ARID4B: variants seen among roughly 807,000 people sequenced by gnomAD.
The protein encoded by ARID4B is AT-rich interaction domain 4B.
In ARID4B, 26 loss-of-function variants were observed where a neutral mutation model predicts 147.5. The ratio of observed to expected loss-of-function variants is 0.18; its 90% confidence interval spans 0.13 to 0.24. ARID4B has a LOEUF of 0.24. Among genes scored for constraint, ARID4B ranks in the 10% least tolerant of loss-of-function variants. ARID4B has a pLI of 1.00. For missense variants in ARID4B, 1,179 were observed against 1,511.5 expected, an observed-to-expected ratio of 0.78 and a Z score of 3.65; for synonymous variants, 512 against 507.9, an observed-to-expected ratio of 1.01 and a Z score of -0.11.
At chr1:235,201,002 G>A (rs899824096) in intron 17 of ARID4B, among the ~76,000 whole-genome samples, 1 of 151,990 alleles carries the variant, frequency 6.6e-6, no homozygotes, top group African/African-American at 2.4e-5. Flanking sequence ...AAAATTAGCT[G>A]GCTGTGGCGG....
intron 5 of ARID4B, among the ~76,000 whole-genome samples, 158 bp downstream of exon 5, chr1:235,255,502 T>C (rs1669927714): frequency 1.3e-5 from 2 of 152,086 alleles, no homozygotes; most frequent in South Asian, 4.1e-4. Flanking sequence ...ACATATACTT[T>C]GGAAATAAAT....
intron 2 of ARID4B, among the ~76,000 whole-genome samples, chr1:235,310,917 C>T (rs935932284): frequency 2.3e-4 from 35 of 152,104 alleles, no homozygotes; most frequent in African/African-American, 7.5e-4. Flanking sequence ...GTAATCCACC[C>T]ATATCAGCCT....
intron 17 of ARID4B, among the ~76,000 whole-genome samples, chr1:235,213,289 T>C (rs760382800): frequency 2.8e-4 from 42 of 152,206 alleles, no homozygotes; most frequent in Non-Finnish European, 5.3e-4. Flanking sequence ...GACTTCTGAA[T>C]AAGGCTGTAA....
chr1:235,178,500 T>A (rs192242484), intron 20 of ARID4B, among the ~76,000 whole-genome samples: 33 of 152,272 alleles, frequency 2.2e-4, no homozygotes, highest in Middle Eastern at 3.4e-3. Flanking sequence ...CGTCTCATCT[T>A]CTTGGTGGGA....
intron 4 of ARID4B, among the ~76,000 whole-genome samples, chr1:235,256,357 C>A (rs1669992716): frequency 6.6e-6 from 1 of 152,096 alleles, no homozygotes; most frequent in South Asian, 2.1e-4. Context: ...GTGAGTACCA[C>A]CATCTGTGAA....
chr1:235,257,150 C>A lies in ARID4B; in HGVS notation c.183+10G>T. On this transcript the variant is annotated intron_variant, in intron 4 of 23. Coordinates refer to ENST00000264183, the MANE Select transcript of ARID4B (RefSeq NM_016374.6). ...CAACCATTAGAATTAACAATGAATA[C>A]ATGAATTACCTTTAGTGGGCCCTTT... 6.3e-7 allele frequency: 1 copy of A among 1,589,540 alleles called. No individual in the cohort carries two copies. Among genetic ancestry groups the A allele is most frequent in the Non-Finnish European group, 8.6e-7 (1 of 1,158,102 alleles).
At position 235,169,280 on chromosome 1, in the gene ARID4B, G is replaced by A. The variant is rs188181471; in HGVS notation, c.3812-628C>T. The stretch of plus-strand genomic sequence containing the variant: ...GAGACAAAGTCTCGCTCTGTCTGTC[G>A]CCCAGGCTGGAGTGCAGTGGCTCGA... On this transcript the variant is annotated intron_variant, in intron 23 of 23. Transcript: ENST00000264183. Among the ~76,000 whole-genome samples the A allele has an allele frequency of 4.8e-4, 73 of 150,760 alleles. No individual in the cohort carries two copies. In the Middle Eastern group the frequency reaches 0.027, roughly 57 times the overall value.
intron 2 of ARID4B, among the ~76,000 whole-genome samples, chr1:235,266,747 T>C (rs1197329541): frequency 6.6e-6 from 1 of 152,102 alleles, no homozygotes; most frequent in Non-Finnish European, 1.5e-5. Flanking sequence ...CTGCAGCACA[T>C]CAAATACATA....
At chr1:235,243,084 G>C (rs1669093473) in intron 7 of ARID4B, among the ~76,000 whole-genome samples, 1 of 151,702 alleles carries the variant, frequency 6.6e-6, no homozygotes, top group Middle Eastern at 3.2e-3. Context: ...GATTTTTTAA[G>C]TAATTTTTTT....
intron 22 of ARID4B, among the ~76,000 whole-genome samples, chr1:235,174,275 G>A (rs897477653): frequency 6.6e-6 from 1 of 151,734 alleles, no homozygotes; most frequent in Admixed American, 6.6e-5. Context: ...TCCTGACCTC[G>A]TGATCCACCC....
At chr1:235,240,057 G>C (rs1192575672) in intron 8 of ARID4B, among the ~76,000 whole-genome samples, 1 of 152,062 alleles carries the variant, frequency 6.6e-6, no homozygotes, top group Non-Finnish European at 1.5e-5. Flanking sequence ...TTTGCATCAT[G>C]AATTTTCTAC....
chr1:235,255,384 T>G (rs10218726), intron 5 of ARID4B, among the ~76,000 whole-genome samples: 69,755 of 150,484 alleles, frequency 0.46, 16,436 homozygotes, highest in South Asian at 0.6. Flanking sequence ...TAGGTAAGAT[T>G]GGGGAAAAAA....
chr1:235,288,428 TATCCATATTTAATA>T (rs1459446732), intron 2 of ARID4B, among the ~76,000 whole-genome samples: 1 of 152,266 alleles, frequency 6.6e-6, no homozygotes, highest in East Asian at 1.9e-4. Flanking sequence ...CACGTACATG[TATCCATATTTAATA>T]ACATTTCTGT....
At chr1:235,272,802 A>G (rs982045050) in intron 2 of ARID4B, among the ~76,000 whole-genome samples, 5 of 147,238 alleles carry the variant, frequency 3.4e-5, no homozygotes, top group Admixed American at 7.0e-5. Context: ...CACTCAATAT[A>G]AATAAATGTC....
chr1:235,297,890 C>T (rs901912559), intron 2 of ARID4B, among the ~76,000 whole-genome samples: 2 of 152,112 alleles, frequency 1.3e-5, no homozygotes, highest in Non-Finnish European at 2.9e-5. Context: ...CCATTTAGAA[C>T]CGTATCTTCC....
intron 17 of ARID4B, among the ~76,000 whole-genome samples, chr1:235,212,096 T>C (rs1666753189): frequency 1.3e-5 from 2 of 151,790 alleles, no homozygotes. Flanking sequence ...AATACGAAAA[T>C]TAGCCAGGCA....
At position 235,182,238 on chromosome 1, in the gene ARID4B, A is replaced by C; in HGVS notation, c.2681T>G (p.Phe894Cys). 6.2e-7 allele frequency: 1 copy of C among 1,613,298 alleles called. No individual in the cohort carries two copies. The stretch of plus-strand genomic sequence containing the variant: ...TGCCACTTCTGAAAATCCTGAATAG[A>C]AACCAGTTGTCCGTAGAGATTTTCT... Reference protein sequence around the residue: ...EKRKSLRTTGFYSGFSEVAEK... With the variant: ...EKRKSLRTTGCYSGFSEVAEK... Residue 894 changes from phenylalanine to cysteine, a missense_variant, in exon 20 of 24, where the codon TTC (phenylalanine) becomes TGC (cysteine). This residue lies in a region of ARID4B where 321 missense variants were observed against 342.4 expected (regional missense o/e 0.94). Transcript: ENST00000264183.
At chr1:235,246,399 C>G in intron 7 of ARID4B, 21 bp downstream of exon 7, 1 of 1,523,302 alleles carries the variant, frequency 6.6e-7, no homozygotes, top group East Asian at 2.3e-5. Context: ...GTTCAACTAA[C>G]AGTCATGAAA....
At chr1:235,198,545 T>C (rs780266722) in intron 17 of ARID4B, among the ~76,000 whole-genome samples, 1 of 152,212 alleles carries the variant, frequency 6.6e-6, no homozygotes, top group Non-Finnish European at 1.5e-5. Flanking sequence ...ATGCTTGGTA[T>C]GGTACAGGCT....
Sources: allele counts gnomAD v4.1 joint callset (sites outside exome capture counted in the v4.1 genomes callset), GRCh38; gene constraint gnomAD v4.1.1; regional missense constraint gnomAD v4.1.1; transcripts MANE v1.5; gene names NCBI Gene and HGNC (gene_info 2026-07-23, HGNC 2026-07-21).